Variants in PLCB4 observed in about 807,000 individuals in gnomAD.
PLCB4 encodes the protein phospholipase C beta 4.
PLCB4 carries 77 observed loss-of-function variants against 178.8 expected under a neutral mutation model. The observed-to-expected ratio is 0.43, with a 90% CI of 0.36 to 0.52. The LOEUF (loss-of-function observed/expected upper bound fraction) is 0.52, where lower values mean the gene tolerates loss of function less well. PLCB4 is among the 20% of genes least tolerant of loss of function. The pLI, the probability that PLCB4 is intolerant of heterozygous loss-of-function variation, is 0.00. For synonymous variants in PLCB4, 496 were observed against 490.8 expected, an observed-to-expected ratio of 1.01 and a Z score of -0.14; for missense variants, 1,024 against 1,453.4, an observed-to-expected ratio of 0.70 and a Z score of 4.80.
intron 3 of PLCB4, among the ~76,000 whole-genome samples, chr20:9,304,225 A>G (rs766424949): frequency 1.3e-5 from 2 of 150,322 alleles, no homozygotes; most frequent in African/African-American, 2.5e-5. Flanking sequence ...TAAGGGGTGT[A>G]TGTATGTGTG....
intron 21 of PLCB4, 82 bp from the exon 22 acceptor site, chr20:9,407,835 C>G (rs1223274139): frequency 4.1e-6 from 5 of 1,209,118 alleles, no homozygotes; most frequent in Non-Finnish European, 5.7e-6. Context: ...GTGCAATTAT[C>G]TTTATTAAGG....
intron 2 of PLCB4, among the ~76,000 whole-genome samples, chr20:9,175,240 G>A (rs535039193): frequency 1.3e-5 from 2 of 152,208 alleles, no homozygotes; most frequent in South Asian, 4.2e-4. Context: ...GTGCAATCAA[G>A]TTTAAGAAAC....
intron 2 of PLCB4, among the ~76,000 whole-genome samples, chr20:9,215,582 A>G (rs1346506934): frequency 6.6e-6 from 1 of 152,190 alleles, no homozygotes; most frequent in Non-Finnish European, 1.5e-5. Context: ...GTATATTTGA[A>G]GTGGGATGTT....
At chr20:9,282,444 T>C (rs148977554) in intron 3 of PLCB4, among the ~76,000 whole-genome samples, 1 of 152,148 alleles carries the variant, frequency 6.6e-6, no homozygotes, top group African/African-American at 2.4e-5. Context: ...AATTTTATTA[T>C]ACCCCCATAC....
chr20:9,185,549 C>G (rs2093317545), intron 2 of PLCB4, among the ~76,000 whole-genome samples: 1 of 152,124 alleles, frequency 6.6e-6, no homozygotes, highest in South Asian at 2.1e-4. Flanking sequence ...CCCACACTGA[C>G]CCCTCTCCGT....
chr20:9,465,235 C>G (rs111478031), intron 35 of PLCB4, among the ~76,000 whole-genome samples: 1 of 152,138 alleles, frequency 6.6e-6, no homozygotes, highest in African/African-American at 2.4e-5. Flanking sequence ...ATTCAACAGG[C>G]CTTCATGCTA....
intron 13 of PLCB4, among the ~76,000 whole-genome samples, chr20:9,383,319 A>C (rs2037302892): frequency 6.6e-6 from 1 of 152,230 alleles, no homozygotes; most frequent in African/African-American, 2.4e-5. Flanking sequence ...AATAATCAAA[A>C]ATGTAAATCA....
intron 3 of PLCB4, among the ~76,000 whole-genome samples, chr20:9,299,988 G>A (rs1281167425): frequency 1.3e-5 from 2 of 151,926 alleles, no homozygotes; most frequent in African/African-American, 4.8e-5. Context: ...TAAAAATGGA[G>A]GTATTTTTGC....
chr20:9,180,570 C>T (rs79103460), intron 2 of PLCB4, among the ~76,000 whole-genome samples: 3,477 of 152,192 alleles, frequency 0.023, 65 homozygotes, highest in Middle Eastern at 0.037. Context: ...CCTTTCTGCA[C>T]AGGGGAATAA....
intron 2 of PLCB4, among the ~76,000 whole-genome samples, chr20:9,183,466 A>G (rs1188720511): frequency 1.3e-5 from 2 of 152,184 alleles, no homozygotes; most frequent in Admixed American, 6.5e-5. Flanking sequence ...ATTTTTTTCC[A>G]TCACCACACA....
chr20:9,278,562 C>G (rs2094468851), intron 3 of PLCB4, among the ~76,000 whole-genome samples: 1 of 152,170 alleles, frequency 6.6e-6, no homozygotes, highest in South Asian at 2.1e-4. Flanking sequence ...CCAGCGAGCT[C>G]TCTCATGACA....
chr20:9,240,902 C>T (rs1372130397), intron 3 of PLCB4, among the ~76,000 whole-genome samples: 2 of 152,116 alleles, frequency 1.3e-5, no homozygotes, highest in East Asian at 3.9e-4. Context: ...TCTGATGGAT[C>T]ATGGTACACA....
At chr20:9,249,539 C>T (rs952364902) in intron 3 of PLCB4, among the ~76,000 whole-genome samples, 19 of 152,132 alleles carry the variant, frequency 1.2e-4, no homozygotes, top group Non-Finnish European at 2.5e-4. Context: ...TGGTCTCGAG[C>T]TCCTGGCTTC....
chr20:9,181,108 T>C (rs2093238853), intron 2 of PLCB4, among the ~76,000 whole-genome samples: 1 of 152,162 alleles, frequency 6.6e-6, no homozygotes, highest in Admixed American at 6.5e-5. Flanking sequence ...ATCAGAGATG[T>C]CCTAAGGGTT....
intron 30 of PLCB4, among the ~76,000 whole-genome samples, chr20:9,442,962 T>C (rs73068485): frequency 1.3e-5 from 2 of 152,190 alleles, no homozygotes; most frequent in African/African-American, 2.4e-5. Flanking sequence ...GCCTTTGGGA[T>C]TCTAATGGAA....
chr20:9,419,894 C>A lies in PLCB4; in HGVS notation c.2139C>A (p.Ala713=), dbSNP rs1370385372. 1.9e-6 allele frequency: 3 copies of A among 1,611,210 alleles called. No individual in the cohort carries two copies. The change falls in exon 26 of 40, where the codon GCC becomes GCA. Residue 713 remains alanine, a synonymous_variant. Coordinates refer to ENST00000378473, the MANE Select transcript of PLCB4 (RefSeq NM_001377142.1). ...SETPVDGVIA[A]TCSVQVISGQ... is the part of the protein sequence containing the mutation. ...CTCCTGTTGATGGTGTTATTGCAGC[C>A]ACTTGCTCAGTGCAGGTAAGGCCCC...
chr20:9,394,742 G>C (rs1173472966), intron 18 of PLCB4, among the ~76,000 whole-genome samples: 1 of 152,034 alleles, frequency 6.6e-6, no homozygotes, highest in African/African-American at 2.4e-5. Flanking sequence ...CAGCCAAAAC[G>C]TATATATATT....
intron 1 of PLCB4, among the ~76,000 whole-genome samples, chr20:9,088,329 G>A (rs1252713036): frequency 2.6e-5 from 4 of 152,110 alleles, no homozygotes; most frequent in Non-Finnish European, 5.9e-5. Flanking sequence ...GCCATGTGTA[G>A]CAAGTCCTGT....
chr20:9,107,379 G>C (rs1185323001), intron 2 of PLCB4, among the ~76,000 whole-genome samples: 1 of 152,138 alleles, frequency 6.6e-6, no homozygotes, highest in African/African-American at 2.4e-5. Flanking sequence ...CAGAGAAAAG[G>C]GGGAATAGGG....
Sources: allele counts gnomAD v4.1 joint callset (sites outside exome capture counted in the v4.1 genomes callset), GRCh38; gene constraint gnomAD v4.1.1; transcripts MANE v1.5; gene names NCBI Gene and HGNC (gene_info 2026-07-23, HGNC 2026-07-21).